Variants in THSD7B observed in about 807,000 individuals in gnomAD.
THSD7B encodes thrombospondin type 1 domain containing 7B.
In THSD7B, 138 loss-of-function variants were observed where a neutral mutation model predicts 213.6. The ratio of observed to expected loss-of-function variants is 0.65; its 90% CI spans 0.56 to 0.74. The LOEUF is 0.74. Among genes scored for constraint, THSD7B ranks in the 30% least tolerant of loss-of-function variants. The pLI is 0.00. For synonymous variants in THSD7B, 742 were observed against 687.0 expected, an observed-to-expected ratio of 1.08 and a Z score of -1.25; for missense variants, 1,931 against 1,991.5, an observed-to-expected ratio of 0.97 and a Z score of 0.58.
chr2:137,190,749 T>C (rs190322876), intron 7 of THSD7B, among the ~76,000 whole-genome samples: 4 of 152,328 alleles, frequency 2.6e-5, no homozygotes, highest in Non-Finnish European at 5.9e-5. Flanking sequence ...CAGTTCACAA[T>C]GTCAGGTAAC....
At chr2:137,227,651 A>T (rs939757025) in intron 7 of THSD7B, among the ~76,000 whole-genome samples, 2 of 152,172 alleles carry the variant, frequency 1.3e-5, no homozygotes, top group East Asian at 1.9e-4. Flanking sequence ...AGATGAGGTT[A>T]TTTAGGCTCA....
intron 12 of THSD7B, among the ~76,000 whole-genome samples, chr2:137,295,191 A>G (rs149750600): frequency 6.6e-6 from 1 of 152,158 alleles, no homozygotes; most frequent in Non-Finnish European, 1.5e-5. Flanking sequence ...CCCTGTTCCA[A>G]TTAAAACACT....
intron 2 of THSD7B, among the ~76,000 whole-genome samples, chr2:136,966,474 C>T (rs1685316350): frequency 6.6e-6 from 1 of 152,204 alleles, no homozygotes; most frequent in Non-Finnish European, 1.5e-5. Context: ...AGCTCAGCCT[C>T]CAAAAGTGCT....
chr2:137,669,601 T>G (rs1348672724), intron 27 of THSD7B, among the ~76,000 whole-genome samples: 2 of 152,192 alleles, frequency 1.3e-5, no homozygotes, highest in Non-Finnish European at 2.9e-5. Context: ...ATTTCTTAAA[T>G]TGCAGCAAAG....
intron 15 of THSD7B, among the ~76,000 whole-genome samples, chr2:137,487,374 CAAAAAA>C (rs35759254): frequency 3.0e-5 from 1 of 33,164 alleles, no homozygotes; most frequent in East Asian, 1.1e-3. Context: ...GACTCCGTCT[CAAAAAA>C]AAAAAAAAAA....
intron 12 of THSD7B, among the ~76,000 whole-genome samples, chr2:137,276,670 C>G (rs1682883025): frequency 6.6e-6 from 1 of 152,026 alleles, no homozygotes. Context: ...CATTCATAAT[C>G]CAGGTGCCAG....
intron 2 of THSD7B, among the ~76,000 whole-genome samples, chr2:136,979,052 C>G (rs1367274072): frequency 1.3e-5 from 2 of 151,994 alleles, no homozygotes. Flanking sequence ...ACTTATGAAG[C>G]TTAGTTTGGC....
chr2:136,917,451 G>A (rs1424553503), intron 2 of THSD7B, among the ~76,000 whole-genome samples: 1 of 152,178 alleles, frequency 6.6e-6, no homozygotes, highest in Admixed American at 6.5e-5. Flanking sequence ...GAGTCAGTGA[G>A]TCAGCTTATG....
At chr2:137,528,307 T>A (rs902623032) in intron 15 of THSD7B, among the ~76,000 whole-genome samples, 2 of 152,104 alleles carry the variant, frequency 1.3e-5, no homozygotes, top group African/African-American at 4.8e-5. Flanking sequence ...TTTCCACTTC[T>A]ATCATGCATG....
intron 1 of THSD7B, among the ~76,000 whole-genome samples, chr2:136,774,895 C>T (rs193193933): frequency 6.6e-6 from 1 of 152,076 alleles, no homozygotes; most frequent in East Asian, 1.9e-4. Flanking sequence ...TTTCAAATAG[C>T]AAGACAAACG....
At chr2:136,798,183 C>T (rs1463496022) in intron 1 of THSD7B, among the ~76,000 whole-genome samples, 7 of 151,902 alleles carry the variant, frequency 4.6e-5, no homozygotes, top group Admixed American at 1.3e-4. Context: ...GATTATTTTT[C>T]CACTCTCATT....
At chr2:137,382,394 G>A (rs925753101) in intron 12 of THSD7B, among the ~76,000 whole-genome samples, 2 of 152,226 alleles carry the variant, frequency 1.3e-5, no homozygotes, top group African/African-American at 4.8e-5. Context: ...TTGACCAGGA[G>A]TGCCCATTTG....
chr2:136,950,951 A>G (rs1685027935), intron 2 of THSD7B, among the ~76,000 whole-genome samples: 1 of 152,192 alleles, frequency 6.6e-6, no homozygotes. Flanking sequence ...AGATACACAT[A>G]GGTTGTAATT....
At chr2:137,391,671 A>G (rs917529424) in intron 12 of THSD7B, among the ~76,000 whole-genome samples, 1 of 149,712 alleles carries the variant, frequency 6.7e-6, no homozygotes, top group African/African-American at 2.5e-5. Flanking sequence ...TGGACAACAG[A>G]GTGACATTCG....
intron 12 of THSD7B, among the ~76,000 whole-genome samples, chr2:137,395,179 G>A (rs571691535): frequency 6.9e-6 from 1 of 145,160 alleles, no homozygotes; most frequent in South Asian, 2.3e-4. Flanking sequence ...AATTGCCCTG[G>A]CTAGAACTTC....
At chr2:136,835,233 T>C (rs1682824156) in intron 1 of THSD7B, among the ~76,000 whole-genome samples, 1 of 152,110 alleles carries the variant, frequency 6.6e-6, no homozygotes, top group African/African-American at 2.4e-5. Flanking sequence ...CCTCTTTAAA[T>C]TGAAAAAAGA....
intron 2 of THSD7B, among the ~76,000 whole-genome samples, chr2:137,020,910 A>C (rs1686432173): frequency 1.3e-5 from 2 of 152,190 alleles, no homozygotes; most frequent in Admixed American, 1.3e-4. Context: ...TTATTTTAAA[A>C]GATGGGAGTT....
intron 15 of THSD7B, among the ~76,000 whole-genome samples, chr2:137,547,844 G>C (rs1254836852): frequency 6.6e-6 from 1 of 151,960 alleles, no homozygotes; most frequent in Admixed American, 6.6e-5. Context: ...TGCTGATTAA[G>C]AGATGGTAGC....
At chr2:136,924,132 A>C (rs1684483393) in intron 2 of THSD7B, among the ~76,000 whole-genome samples, 1 of 152,062 alleles carries the variant, frequency 6.6e-6, no homozygotes, top group Middle Eastern at 3.4e-3. Flanking sequence ...ATTTTTTGAG[A>C]TGGAGCCCTG....
Sources: gnomAD v4.1 joint callset for allele counts (sites outside exome capture counted in the v4.1 genomes callset) on GRCh38, gnomAD v4.1.1 for gene constraint, MANE v1.5 for transcripts, NCBI Gene and HGNC (gene_info 2026-07-23, HGNC 2026-07-21) for gene names.